MAN1A2: variants seen among roughly 807,000 people sequenced by gnomAD.
The protein encoded by MAN1A2 is mannosidase alpha class 1A member 2.
MAN1A2 carries 26 observed loss-of-function variants against 75.7 expected under a neutral mutation model. The ratio of observed to expected loss-of-function variants is 0.34; its 90% CI spans 0.25 to 0.48. The LOEUF is 0.48. MAN1A2 is among the 20% of genes least tolerant of loss of function. MAN1A2 has a pLI of 0.99. For synonymous variants in MAN1A2, 247 were observed against 264.6 expected (o/e 0.93, Z 0.65); for missense variants, 562 against 775.5 (o/e 0.72, Z 3.27).
At chr1:117,392,659 T>A (rs1003528571) in intron 1 of MAN1A2, among the ~76,000 whole-genome samples, 1 of 151,542 alleles carries the variant, frequency 6.6e-6, no homozygotes, top group Non-Finnish European at 1.5e-5. Flanking sequence ...ATTGATTTAA[T>A]CTGAAATTAC....
chr1:117,460,738 T>G, intron 7 of MAN1A2, 126 bp downstream of exon 7: 1 of 1,153,978 alleles, frequency 8.7e-7, no homozygotes, highest in Non-Finnish European at 1.1e-6. Flanking sequence ...GTAGCCTTTA[T>G]TTTTTCTTTT....
intron 6 of MAN1A2, among the ~76,000 whole-genome samples, chr1:117,450,919 G>A (rs562018612): frequency 2.3e-4 from 35 of 152,320 alleles, no homozygotes; most frequent in Non-Finnish European, 4.7e-4. Flanking sequence ...GGGGAGGGCC[G>A]AAGGGAAATG....
chr1:117,464,893 T>TA (rs1271429546), intron 7 of MAN1A2, among the ~76,000 whole-genome samples: 5 of 151,940 alleles, frequency 3.3e-5, no homozygotes, highest in African/African-American at 1.2e-4. Context: ...AGTAATTTGT[T>TA]AAAAAAGAAC....
chr1:117,390,936 C>T (rs1438071220), intron 1 of MAN1A2, among the ~76,000 whole-genome samples: 4 of 152,042 alleles, frequency 2.6e-5, no homozygotes, highest in South Asian at 2.1e-4. Context: ...CATACCATAC[C>T]ATCCACCCAT....
At chr1:117,502,360 A>G (rs1025939826) in intron 11 of MAN1A2, among the ~76,000 whole-genome samples, 2 of 151,710 alleles carry the variant, frequency 1.3e-5, no homozygotes, top group African/African-American at 2.4e-5. Flanking sequence ...TGATAATGCA[A>G]TGTCTGGCAT....
intron 5 of MAN1A2, among the ~76,000 whole-genome samples, chr1:117,436,014 C>T (rs752140955): frequency 9.9e-5 from 15 of 151,950 alleles, no homozygotes; most frequent in Admixed American, 2.0e-4. Flanking sequence ...GCCTAGATCA[C>T]GCTGTTGCAC....
chr1:117,383,790 G>A (rs751950765), intron 1 of MAN1A2, among the ~76,000 whole-genome samples: 1 of 151,748 alleles, frequency 6.6e-6, no homozygotes, highest in Non-Finnish European at 1.5e-5. Flanking sequence ...TGTTGCCCAG[G>A]CTGGAGTGCA....
Position 117,457,445 on chromosome 1 carries a change from G to A in MAN1A2, c.951-3044G>A, listed in dbSNP as rs185652011. Among the ~76,000 whole-genome samples, 114 of 151,824 alleles carry A rather than the reference G, an allele frequency of 7.5e-4. 1 individual carries two copies. The highest frequency in any genetic ancestry group is 2.7e-3 in the African/African-American group (111 of 41,444). ...TTTTATAGTTGGAAATTTTGTCCTCGGCAGCATTATATCTTGTTCTTAGGG... is the reference window on the plus strand; with the variant it reads ...TTTTATAGTTGGAAATTTTGTCCTCAGCAGCATTATATCTTGTTCTTAGGG... On this transcript the variant is annotated intron_variant, in intron 6 of 12. Coordinates refer to ENST00000356554, the MANE Select transcript of MAN1A2 (RefSeq NM_006699.5).
chr1:117,426,560 C>T (rs1231511102), intron 5 of MAN1A2, among the ~76,000 whole-genome samples: 1 of 152,096 alleles, frequency 6.6e-6, no homozygotes, highest in Non-Finnish European at 1.5e-5. Context: ...CCTTAAACAT[C>T]CTCAGAACAC....
At chr1:117,458,520 TATA>T (rs908279623) in intron 6 of MAN1A2, among the ~76,000 whole-genome samples, 2 of 98,444 alleles carry the variant, frequency 2.0e-5, no homozygotes, top group African/African-American at 4.6e-5. Context: ...TAGATATATA[TATA>T]TTTTTTTTTT....
At chr1:117,435,435 A>G (rs573103632) in intron 5 of MAN1A2, among the ~76,000 whole-genome samples, 1 of 152,208 alleles carries the variant, frequency 6.6e-6, no homozygotes, top group Non-Finnish European at 1.5e-5. Context: ...TGTGTGGTCA[A>G]TCCTTAATAA....
At chr1:117,415,190 G>A (rs906052121) in intron 4 of MAN1A2, among the ~76,000 whole-genome samples, 1 of 151,998 alleles carries the variant, frequency 6.6e-6, no homozygotes, top group Admixed American at 6.6e-5. Context: ...CTTGGTGTGC[G>A]ACTTGAGAAA....
chr1:117,441,682 A>T (rs1012636383), intron 5 of MAN1A2, among the ~76,000 whole-genome samples: 1 of 152,190 alleles, frequency 6.6e-6, no homozygotes. Flanking sequence ...TATTTAGGCA[A>T]TTATTTTTGG....
intron 5 of MAN1A2, among the ~76,000 whole-genome samples, chr1:117,429,841 C>T (rs1216868108): frequency 1.2e-5 from 1 of 82,588 alleles, no homozygotes; most frequent in Non-Finnish European, 2.7e-5. Context: ...GAGGGGGCGG[C>T]TGGCCGGGCG....
chr1:117,428,110 TCTA>T (rs201366849), intron 5 of MAN1A2, among the ~76,000 whole-genome samples: 9 of 148,334 alleles, frequency 6.1e-5, no homozygotes, highest in African/African-American at 2.2e-4. Flanking sequence ...TCTCTCTCTC[TCTA>T]TTTTTTTTTT....
intron 8 of MAN1A2, among the ~76,000 whole-genome samples, chr1:117,486,066 A>G (rs7546429): frequency 0.011 from 1,649 of 152,142 alleles, 10 homozygotes; most frequent in Middle Eastern, 0.024. Context: ...ATGGTTGACT[A>G]CTACAGTGGG....
In MAN1A2 at chr1:117,368,310, C is replaced by A. The variant is rs755377381; in HGVS notation, c.127C>A (p.Leu43Ile). 7 of 1,614,036 alleles carry A rather than the reference C, an allele frequency of 4.3e-6. No individual in the cohort carries two copies. Among genetic ancestry groups the A allele is most frequent in the Non-Finnish European group, 5.9e-6 (7 of 1,180,022 alleles). ...TGAGAAGTTTATTCTTCTCCTTATTCTTAGTGCCTTCATCACTCTGTGTTT... is the reference window on the plus strand; with the variant it reads ...TGAGAAGTTTATTCTTCTCCTTATTATTAGTGCCTTCATCACTCTGTGTTT... The part of the protein sequence containing the change: ...LSEKFILLLI[L>I]SAFITLCFGA... The change falls in exon 1 of 13, where the codon CTT (leucine) becomes ATT (isoleucine). Residue 43 changes from leucine (L) to isoleucine (I), a missense_variant. This residue lies in a region of MAN1A2 where 128 missense variants were observed against 129.8 expected (regional missense o/e 0.99). Coordinates refer to ENST00000356554, the MANE Select transcript of MAN1A2 (RefSeq NM_006699.5).
At chr1:117,411,790 A>G (rs2101767352) in intron 3 of MAN1A2, among the ~76,000 whole-genome samples, 1 of 151,962 alleles carries the variant, frequency 6.6e-6, no homozygotes, top group Middle Eastern at 3.4e-3. Context: ...CTACACACCC[A>G]TTAACATGTC....
intron 5 of MAN1A2, among the ~76,000 whole-genome samples, chr1:117,431,559 G>A (rs11576543): frequency 0.12 from 18,262 of 152,148 alleles, 1,171 homozygotes; most frequent in Non-Finnish European, 0.14. Flanking sequence ...CAGCTGCTGA[G>A]TACACTTTCT....
Sources: gnomAD v4.1 joint callset for allele counts (sites outside exome capture counted in the v4.1 genomes callset) on GRCh38, gnomAD v4.1.1 for gene constraint, gnomAD v4.1.1 regional missense constraint, MANE v1.5 for transcripts, NCBI Gene and HGNC (gene_info 2026-07-23, HGNC 2026-07-21) for gene names.